Variants in CRACD observed in about 807,000 individuals in gnomAD.
The protein encoded by CRACD is capping protein inhibiting regulator of actin dynamics.
CRACD carries 56 observed loss-of-function variants against 106.8 expected under a neutral mutation model. That is an observed-to-expected ratio of 0.52 (90% CI 0.42 to 0.66). The LOEUF (loss-of-function observed/expected upper bound fraction) is 0.66. Ranked by LOEUF, CRACD falls within the 30% of genes least tolerant of loss-of-function variation. The probability of loss-of-function intolerance (pLI) is 0.00; values close to 1 mark genes in which losing one functional copy is unlikely to be tolerated. For synonymous variants in CRACD, 754 were observed against 670.8 expected (o/e 1.12, Z -1.92); for missense variants, 1,730 against 1,623.2 (o/e 1.07, Z -1.13).
chr4:56,138,241 A>T (rs545889476), intron 1 of CRACD, among the ~76,000 whole-genome samples: 1 of 152,198 alleles, frequency 6.6e-6, no homozygotes, highest in East Asian at 1.9e-4. Context: ...AGGTGGATGG[A>T]TTGCTTGAGG....
chr4:56,131,968 G>T (rs13107227), intron 1 of CRACD, among the ~76,000 whole-genome samples: 2 of 152,056 alleles, frequency 1.3e-5, no homozygotes, highest in African/African-American at 2.4e-5. Context: ...ATGTAAATAC[G>T]TAGAAAACTT....
intron 1 of CRACD, among the ~76,000 whole-genome samples, chr4:56,162,248 G>A (rs1735987408): frequency 6.6e-6 from 1 of 151,820 alleles, no homozygotes; most frequent in Admixed American, 6.6e-5. Context: ...AGGCTGGAGT[G>A]CAGGGGTACA....
chr4:56,239,838 AG>A (rs1172935963), intron 2 of CRACD, among the ~76,000 whole-genome samples: 1 of 152,146 alleles, frequency 6.6e-6, no homozygotes, highest in Non-Finnish European at 1.5e-5. Flanking sequence ...TAACACAAAA[AG>A]CTTTATCTTA....
chr4:56,238,345 C>G lies in CRACD; in HGVS notation c.-188-33976C>G, dbSNP rs142527502. 4.8e-3 allele frequency among the ~76,000 whole-genome samples: 732 copies of G among 152,332 alleles called. 8 individuals carry two copies. The highest frequency in any genetic ancestry group is 0.017 in the African/African-American group (709 of 41,574). On this transcript the variant is annotated intron_variant, in intron 2 of 10. Transcript: ENST00000682029. ...GCATCTTTCTCTATATGTGGTCTCT[C>G]TACATGTTGGCTTCAGGATAGCTGG... is the stretch of plus-strand genomic sequence containing the variant.
chr4:56,076,402 C>G lies in CRACD; in HGVS notation c.-336+27103C>G, dbSNP rs547728724. Among the ~76,000 whole-genome samples the G allele has an allele frequency of 3.9e-5, 6 of 152,220 alleles. No individual in the cohort carries two copies. In the South Asian group the frequency reaches 1.2e-3, roughly 32 times the overall value. Reference sequence around the variant, plus strand: ...AGGAGCACTGAAGTAGAGTAACTACCTTATTTTTTTTACTTCAGCTCTACT... The same window carrying G: ...AGGAGCACTGAAGTAGAGTAACTACGTTATTTTTTTTACTTCAGCTCTACT... On this transcript the variant is annotated intron_variant, in intron 1 of 10. Coordinates refer to ENST00000682029, the MANE Select transcript of CRACD (RefSeq NM_001393381.1).
At chr4:56,172,513 T>A (rs1366169215) in intron 1 of CRACD, among the ~76,000 whole-genome samples, 1 of 152,204 alleles carries the variant, frequency 6.6e-6, no homozygotes, top group Non-Finnish European at 1.5e-5. Context: ...CCCAGGCTGC[T>A]GTGCAATGGC....
chr4:56,067,998 C>T (rs775776928), intron 1 of CRACD, among the ~76,000 whole-genome samples: 14 of 152,096 alleles, frequency 9.2e-5, no homozygotes, highest in East Asian at 3.9e-4. Flanking sequence ...TCCTTGCCCT[C>T]GTGGAGCTCA....
intron 10 of CRACD, among the ~76,000 whole-genome samples, chr4:56,327,224 T>C (rs780467878): frequency 9.9e-5 from 15 of 152,232 alleles, no homozygotes; most frequent in South Asian, 2.1e-4. Context: ...AACACATAGC[T>C]TGCTTTCCTT....
chr4:56,093,993 G>A (rs1430745273), intron 1 of CRACD, among the ~76,000 whole-genome samples: 1 of 152,156 alleles, frequency 6.6e-6, no homozygotes, highest in Non-Finnish European at 1.5e-5. Flanking sequence ...TCACTTGGAT[G>A]ACTGCATTTG....
chr4:56,060,701 G>A (rs1732241682), intron 1 of CRACD, among the ~76,000 whole-genome samples: 1 of 152,150 alleles, frequency 6.6e-6, no homozygotes. Context: ...TTCATATGTT[G>A]AAATCCTAAA....
At chr4:56,090,652 C>G (rs1254829783) in intron 1 of CRACD, among the ~76,000 whole-genome samples, 1 of 152,070 alleles carries the variant, frequency 6.6e-6, no homozygotes, top group African/African-American at 2.4e-5. Flanking sequence ...GCCTTGGTCT[C>G]CCGAAGTGCT....
intron 2 of CRACD, among the ~76,000 whole-genome samples, chr4:56,246,233 A>G (rs1297391034): frequency 6.6e-6 from 1 of 152,200 alleles, no homozygotes; most frequent in Non-Finnish European, 1.5e-5. Context: ...GCTGAATGGA[A>G]CTAAAGCTTC....
chr4:56,126,696 T>C (rs1734670691), intron 1 of CRACD, among the ~76,000 whole-genome samples: 1 of 152,216 alleles, frequency 6.6e-6, no homozygotes, highest in African/African-American at 2.4e-5. Context: ...AAAATGCTTG[T>C]ACACCAAAAA....
At chr4:56,216,880 T>C (rs1369457908) in intron 2 of CRACD, among the ~76,000 whole-genome samples, 1 of 147,182 alleles carries the variant, frequency 6.8e-6, no homozygotes, top group Non-Finnish European at 1.5e-5. Context: ...CTCGGGAGGC[T>C]GAGGCAGGAG....
intron 2 of CRACD, among the ~76,000 whole-genome samples, chr4:56,269,435 G>A (rs576212584): frequency 6.6e-6 from 1 of 152,118 alleles, no homozygotes; most frequent in East Asian, 1.9e-4. Context: ...GACTGTACAG[G>A]AAGCATGGCG....
intron 1 of CRACD, among the ~76,000 whole-genome samples, chr4:56,082,488 A>G (rs954614897): frequency 2.0e-5 from 3 of 152,214 alleles, no homozygotes; most frequent in African/African-American, 7.2e-5. Flanking sequence ...GTGACTGCAG[A>G]AGAGATTCTG....
At chr4:56,294,270 A>G (rs1475085263) in intron 3 of CRACD, among the ~76,000 whole-genome samples, 1 of 152,128 alleles carries the variant, frequency 6.6e-6, no homozygotes, top group Non-Finnish European at 1.5e-5. Flanking sequence ...ATTGATAAAT[A>G]AACTTAGCAA....
intron 2 of CRACD, among the ~76,000 whole-genome samples, chr4:56,204,428 C>G (rs958777882): frequency 1.3e-5 from 2 of 152,200 alleles, no homozygotes; most frequent in African/African-American, 2.4e-5. Context: ...CCGCATCATC[C>G]CATGGTAGAA....
chr4:56,206,145 A>G (rs993699829), intron 2 of CRACD, among the ~76,000 whole-genome samples: 1 of 152,222 alleles, frequency 6.6e-6, no homozygotes, highest in African/African-American at 2.4e-5. Flanking sequence ...GAATGAATTA[A>G]TATGTGCCCG....
Sources: allele counts gnomAD v4.1 joint callset (sites outside exome capture counted in the v4.1 genomes callset), GRCh38; gene constraint gnomAD v4.1.1; transcripts MANE v1.5; gene names NCBI Gene and HGNC (gene_info 2026-07-23, HGNC 2026-07-21).